The following CD53 variants were observed in gnomAD, a reference collection of about 807,000 sequenced individuals.
The protein encoded by CD53 is leukocyte surface antigen CD53.
Under a neutral mutation model 27.3 loss-of-function variants are expected in CD53, and 20 were observed. The ratio of observed to expected loss-of-function variants is 0.73; its 90% confidence interval spans 0.52 to 1.07. The LOEUF is 1.07. CD53 is among the 50% of genes least tolerant of loss of function. CD53 has a pLI of 0.00. For missense variants in CD53, 216 were observed against 264.0 expected, an observed-to-expected ratio of 0.82 and a Z score of 1.26; for synonymous variants, 106 against 105.3, an observed-to-expected ratio of 1.01 and a Z score of -0.04.
chr1:110,894,656 G>A (rs1366906167), intron 4 of CD53, among the ~76,000 whole-genome samples: 1 of 152,168 alleles, frequency 6.6e-6, no homozygotes, highest in African/African-American at 2.4e-5. Context: ...TCCTCTGTGT[G>A]TTTGGCAGGA....
chr1:110,891,413 G>A lies in CD53; in HGVS notation c.5G>A (p.Gly2Asp). M[G>D]MSSLKLLKYV... ...TTAGGGCAAGAATATCACGGCATGG[G>A]CATGAGTAGCTTGAAACTGCTGAAG... The change falls in exon 2 of 8, where the codon GGC (glycine) becomes GAC (aspartate). Residue 2 changes from glycine (G) to aspartate (D), a missense_variant. By Grantham distance (94) the Gly-to-Asp change is moderately conservative (BLOSUM62 -1). Coordinates refer to ENST00000271324, the MANE Select transcript of CD53 (RefSeq NM_000560.4). 1 of 1,612,862 alleles carries A rather than the reference G, an allele frequency of 6.2e-7. No individual in the cohort carries two copies. Among genetic ancestry groups the A allele is most frequent in the Non-Finnish European group, 8.5e-7 (1 of 1,178,854 alleles).
intron 1 of CD53, among the ~76,000 whole-genome samples, chr1:110,884,092 A>G (rs1656469376): frequency 6.6e-6 from 1 of 151,976 alleles, no homozygotes; most frequent in Non-Finnish European, 1.5e-5. Flanking sequence ...CTAGTTTCTC[A>G]AGATGCAATC....
chr1:110,890,215 C>T (rs1400836097), intron 1 of CD53, among the ~76,000 whole-genome samples: 2 of 152,078 alleles, frequency 1.3e-5, no homozygotes, highest in East Asian at 1.9e-4. Context: ...ATATATCAGT[C>T]CTGTGCACGG....
chr1:110,880,547 G>A (rs938642962), intron 1 of CD53, among the ~76,000 whole-genome samples: 1 of 152,150 alleles, frequency 6.6e-6, no homozygotes, highest in African/African-American at 2.4e-5. Flanking sequence ...TGGGGCTGAT[G>A]TGACTCTAGG....
chr1:110,891,556 G>A (rs1031042785), intron 2 of CD53, 85 bp downstream of exon 2: 16 of 907,258 alleles, frequency 1.8e-5, no homozygotes, highest in African/African-American at 4.9e-5. Flanking sequence ...GGCTGGTGTG[G>A]GGTAAAATGC....
At chr1:110,897,953 A>C in intron 7 of CD53, 61 bp downstream of exon 7, 1 of 890,920 alleles carries the variant, frequency 1.1e-6, no homozygotes. Flanking sequence ...GTAAGATTTC[A>C]GAATAATACC....
intron 1 of CD53, among the ~76,000 whole-genome samples, chr1:110,889,393 A>G (rs917252738): frequency 3.3e-5 from 5 of 149,950 alleles, no homozygotes. Context: ...CGTCTCTACT[A>G]AAAAAAAATA....
At chr1:110,894,466 T>C (rs1333484212) in intron 4 of CD53, 65 bp downstream of exon 4, 2 of 1,239,836 alleles carry the variant, frequency 1.6e-6, no homozygotes, top group African/African-American at 3.0e-5. Flanking sequence ...AGTGGAGAAG[T>C]TGGTACAAAG....
At chr1:110,886,846 A>AAGATTATATATATATATATATATAT (rs141935496) in intron 1 of CD53, among the ~76,000 whole-genome samples, 1 of 101,012 alleles carries the variant, frequency 9.9e-6, no homozygotes, top group African/African-American at 3.2e-5. Context: ...CTCTGTCTCC[A>AAGATTATATATATATATATATATAT]ATATATATAT....
intron 1 of CD53, among the ~76,000 whole-genome samples, chr1:110,886,094 T>A (rs930791227): frequency 1.3e-5 from 2 of 152,180 alleles, no homozygotes; most frequent in Non-Finnish European, 2.9e-5. Context: ...AAGTCCTTTT[T>A]TTAAGTTATT....
At chr1:110,886,869 A>ATATATATATATAT (rs1298376721) in intron 1 of CD53, among the ~76,000 whole-genome samples, 253 of 82,758 alleles carry the variant, frequency 3.1e-3, no homozygotes, top group Non-Finnish European at 4.2e-3. Context: ...ATATATATAT[A>ATATATATATATAT]TTTTTTTTTT....
intron 1 of CD53, among the ~76,000 whole-genome samples, chr1:110,888,179 C>T (rs1381590653): frequency 6.6e-6 from 1 of 152,230 alleles, no homozygotes; most frequent in Non-Finnish European, 1.5e-5. Flanking sequence ...TGAATGTATA[C>T]TTCTGACCTT....
intron 1 of CD53, among the ~76,000 whole-genome samples, chr1:110,875,385 G>A (rs567930111): frequency 4.5e-4 from 68 of 152,302 alleles, no homozygotes; most frequent in Non-Finnish European, 7.1e-4. Context: ...CAGAATTGAT[G>A]GGATGTGGGT....
intron 1 of CD53, among the ~76,000 whole-genome samples, chr1:110,881,942 T>C (rs749509263): frequency 3.9e-5 from 6 of 152,232 alleles, no homozygotes; most frequent in Non-Finnish European, 7.3e-5. Context: ...TCTGATCTTT[T>C]GCCCATTTTA....
intron 7 of CD53, among the ~76,000 whole-genome samples, chr1:110,898,317 T>C (rs1298161648): frequency 6.8e-6 from 1 of 146,304 alleles, no homozygotes; most frequent in African/African-American, 2.5e-5. Context: ...GCGGAGCTTG[T>C]AGTGAGTCAA....
chr1:110,886,283 T>C (rs1656599294), intron 1 of CD53, among the ~76,000 whole-genome samples: 1 of 152,194 alleles, frequency 6.6e-6, no homozygotes, highest in Admixed American at 6.5e-5. Context: ...GTTTTAAGAT[T>C]TTCTTTTTAT....
At chr1:110,877,562 A>G (rs769297322) in intron 1 of CD53, among the ~76,000 whole-genome samples, 1 of 152,160 alleles carries the variant, frequency 6.6e-6, no homozygotes, top group Non-Finnish European at 1.5e-5. Context: ...AAGCTCCCAC[A>G]TGGGAGGAAG....
intron 1 of CD53, among the ~76,000 whole-genome samples, chr1:110,877,633 C>T (rs1449983282): frequency 6.6e-6 from 1 of 152,154 alleles, no homozygotes; most frequent in East Asian, 1.9e-4. Context: ...TTTTCTTCTT[C>T]CTTATTTCTC....
At chr1:110,888,822 A>G (rs956258908) in intron 1 of CD53, among the ~76,000 whole-genome samples, 1 of 152,232 alleles carries the variant, frequency 6.6e-6, no homozygotes, top group African/African-American at 2.4e-5. Context: ...CTAAGTGCTC[A>G]AAGCTGTAGC....
Sources: gnomAD v4.1 joint callset for allele counts (sites outside exome capture counted in the v4.1 genomes callset) on GRCh38, gnomAD v4.1.1 for gene constraint, MANE v1.5 for transcripts, NCBI Gene and HGNC (gene_info 2026-07-23, HGNC 2026-07-21) for gene names.